The following CSGALNACT1 variants were observed in gnomAD, a reference collection of about 807,000 sequenced individuals.
CSGALNACT1 encodes the protein beta4GalNAcT-1.
In CSGALNACT1, 52 loss-of-function variants were observed where a neutral mutation model predicts 51.0. The ratio of observed to expected loss-of-function variants is 1.02; its 90% CI spans 0.82 to 1.29. CSGALNACT1 has a LOEUF of 1.29. Among genes scored for constraint, CSGALNACT1 ranks in the 50% most tolerant of loss-of-function variants. The pLI is 0.00. For missense variants in CSGALNACT1, 935 were observed against 679.2 expected (o/e 1.38, Z -4.19); for synonymous variants, 341 against 254.4 (o/e 1.34, Z -3.24).
chr8:19,724,556 C>G (rs1273275802), intron 1 of CSGALNACT1, among the ~76,000 whole-genome samples: 1 of 152,210 alleles, frequency 6.6e-6, no homozygotes, highest in Non-Finnish European at 1.5e-5. Context: ...ATCTCAAGAT[C>G]CCTCCCTTCA....
chr8:19,563,858 C>T (rs983038635), intron 3 of CSGALNACT1, among the ~76,000 whole-genome samples: 2 of 152,124 alleles, frequency 1.3e-5, no homozygotes, highest in African/African-American at 4.8e-5. Flanking sequence ...ACCTCCCCTT[C>T]AGCCCCTCCC....
At chr8:19,448,613 G>A (rs1335636775) in intron 5 of CSGALNACT1, among the ~76,000 whole-genome samples, 1 of 152,164 alleles carries the variant, frequency 6.6e-6, no homozygotes, top group Non-Finnish European at 1.5e-5. Flanking sequence ...GCCAGGGAAA[G>A]GGGGACTGAG....
At chr8:19,461,286 G>C (rs1028324221) in intron 4 of CSGALNACT1, among the ~76,000 whole-genome samples, 7 of 152,248 alleles carry the variant, frequency 4.6e-5, no homozygotes, top group Non-Finnish European at 8.8e-5. Context: ...CAGGAATGTA[G>C]TGCTCACTGA....
At chr8:19,667,221 G>C (rs1276420512) in intron 1 of CSGALNACT1, among the ~76,000 whole-genome samples, 1 of 145,316 alleles carries the variant, frequency 6.9e-6, no homozygotes. Flanking sequence ...TGGAGTTTGA[G>C]ACCAGCCTGC....
At chr8:19,652,587 A>G (rs2057909886) in intron 1 of CSGALNACT1, among the ~76,000 whole-genome samples, 1 of 152,110 alleles carries the variant, frequency 6.6e-6, no homozygotes, top group African/African-American at 2.4e-5. Flanking sequence ...TTCCATCAGC[A>G]TACAGACACC....
chr8:19,706,050 A>C (rs1270147482), intron 1 of CSGALNACT1, among the ~76,000 whole-genome samples: 1 of 152,212 alleles, frequency 6.6e-6, no homozygotes, highest in Non-Finnish European at 1.5e-5. Flanking sequence ...CCAGACATGG[A>C]AAAATACTAA....
At chr8:19,423,354 C>T (rs765456510) in intron 6 of CSGALNACT1, among the ~76,000 whole-genome samples, 5 of 152,158 alleles carry the variant, frequency 3.3e-5, no homozygotes, top group Admixed American at 6.5e-5. Flanking sequence ...AAAGAAATGA[C>T]GAGTCTACAA....
intron 1 of CSGALNACT1, among the ~76,000 whole-genome samples, chr8:19,665,764 T>A (rs2059129444): frequency 1.3e-5 from 2 of 152,158 alleles, no homozygotes; most frequent in Non-Finnish European, 2.9e-5. Flanking sequence ...TCTTAATTCA[T>A]AATAGAAGGG....
chr8:19,698,012 T>C (rs1308139520), intron 1 of CSGALNACT1, among the ~76,000 whole-genome samples: 4 of 152,156 alleles, frequency 2.6e-5, no homozygotes, highest in Non-Finnish European at 4.4e-5. Flanking sequence ...CTCGGATTTG[T>C]CAATTAGAAA....
At chr8:19,650,312 T>A (rs567872384) in intron 1 of CSGALNACT1, among the ~76,000 whole-genome samples, 1 of 152,318 alleles carries the variant, frequency 6.6e-6, no homozygotes, top group South Asian at 2.1e-4. Context: ...AGATTTAGAT[T>A]TTTTCTCTTG....
chr8:19,497,096 G>T (rs1242989745), intron 4 of CSGALNACT1, among the ~76,000 whole-genome samples: 4 of 152,222 alleles, frequency 2.6e-5, no homozygotes. Flanking sequence ...GGCGGAGTGG[G>T]GACAGGAAAA....
At chr8:19,489,069 T>C (rs182204343) in intron 4 of CSGALNACT1, among the ~76,000 whole-genome samples, 15 of 152,244 alleles carry the variant, frequency 9.9e-5, no homozygotes, top group Non-Finnish European at 7.4e-5. Flanking sequence ...AGATGAGAGA[T>C]GGGGAGACCA....
chr8:19,440,166 T>C (rs2061076373), intron 5 of CSGALNACT1, among the ~76,000 whole-genome samples: 1 of 152,198 alleles, frequency 6.6e-6, no homozygotes, highest in Non-Finnish European at 1.5e-5. Context: ...AAAACTCTGA[T>C]GCAAGGCACC....
chr8:19,748,375 A>G (rs923826633), intron 1 of CSGALNACT1, among the ~76,000 whole-genome samples: 1 of 152,196 alleles, frequency 6.6e-6, no homozygotes, highest in African/African-American at 2.4e-5. Context: ...TAGGTATTCA[A>G]GATATATTTG....
Position 19,431,190 on chromosome 8 carries a change from G to C in CSGALNACT1, c.953+8640C>G, listed in dbSNP as rs773437640. Among the ~76,000 whole-genome samples the C allele has an allele frequency of 8.0e-4, 122 of 152,130 alleles. 1 individual carries two copies. Among genetic ancestry groups the C allele is most frequent in the Non-Finnish European group, 1.4e-3 (95 of 67,936 alleles). ...TTTTCTTATCCAACTGTCCTGGCTA[G>C]AACACCCAGTACAATATTGAATAGT... is the stretch of plus-strand genomic sequence containing the variant. On this transcript the variant is annotated intron_variant, in intron 6 of 9. Coordinates refer to ENST00000454498, the Ensembl canonical transcript of CSGALNACT1.
At chr8:19,670,200 G>A (rs1488350224) in intron 1 of CSGALNACT1, among the ~76,000 whole-genome samples, 1 of 152,090 alleles carries the variant, frequency 6.6e-6, no homozygotes, top group African/African-American at 2.4e-5. Flanking sequence ...TCCCACTTTG[G>A]AGAGTTCAGG....
chr8:19,523,960 G>A (rs887015284), intron 3 of CSGALNACT1, among the ~76,000 whole-genome samples: 14 of 152,108 alleles, frequency 9.2e-5, no homozygotes, highest in Non-Finnish European at 1.3e-4. Flanking sequence ...AGGTAGAGAT[G>A]GAAAAACTTG....
chr8:19,656,928 T>A (rs757633451), intron 1 of CSGALNACT1, among the ~76,000 whole-genome samples: 1 of 151,842 alleles, frequency 6.6e-6, no homozygotes, highest in Non-Finnish European at 1.5e-5. Flanking sequence ...TAGCTCAGCT[T>A]GGTGGCACAT....
rs866146228 is a variant in CSGALNACT1, at chr8:19,545,983, G to A, written c.-296-39853C>T. Among the ~76,000 whole-genome samples the A allele has an allele frequency of 5.9e-5, 9 of 151,872 alleles. No individual in the cohort carries two copies. In the South Asian group the frequency reaches 1.9e-3, roughly 31 times the overall value. On this transcript the variant is annotated intron_variant, in intron 3 of 9. Coordinates refer to ENST00000454498, the Ensembl canonical transcript of CSGALNACT1. The stretch of plus-strand genomic sequence containing the variant: ...TTTGCAAACTGCATGTATAGTTATA[G>A]TGTGTGATTCCTCCACAGATAGCCC...
Sources: allele counts gnomAD v4.1 joint callset (sites outside exome capture counted in the v4.1 genomes callset), GRCh38; gene constraint gnomAD v4.1.1; transcripts MANE v1.5; gene names NCBI Gene and HGNC (gene_info 2026-07-23, HGNC 2026-07-21).